RBM34: variants seen among roughly 807,000 people sequenced by gnomAD.
The protein encoded by RBM34 is RNA-binding protein 34.
RBM34 carries 39 observed loss-of-function variants against 44.6 expected under a neutral mutation model. The observed-to-expected ratio is 0.87, with a 90% CI of 0.68 to 1.14. The LOEUF (loss-of-function observed/expected upper bound fraction) is 1.14, where lower values mean the gene tolerates loss of function less well. Among genes scored for constraint, RBM34 ranks in the 50% most tolerant of loss-of-function variants. The pLI, the probability that RBM34 is intolerant of heterozygous loss-of-function variation, is 0.00. For missense variants in RBM34, 572 were observed against 517.9 expected (o/e 1.10, Z -1.01); for synonymous variants, 194 against 184.0 (o/e 1.05, Z -0.44).
chr1:235,160,343 A>G (rs1246976424), intron 3 of RBM34, 168 bp downstream of exon 3: 4 of 840,790 alleles, frequency 4.8e-6, no homozygotes, highest in Non-Finnish European at 7.9e-6. Context: ...GATGCTGAGT[A>G]CACGGGGTTT....
rs1661223015 is a variant in RBM34 at position 235,131,973 on chromosome 1, G to A, written c.1033C>T (p.Leu345=). The change falls in exon 11 of 11, where the codon CTG becomes TTG. Residue 345 remains leucine, a synonymous_variant. Coordinates refer to ENST00000408888, the MANE Select transcript of RBM34 (RefSeq NM_015014.4). ...ATGAGTTCAGAATTATTTAATTTCA[G>A]AGCAAGATGAACAGAATCTGTATTC... ...FENTDSVHLA[L]KLNNSELMGR... 2.5e-6 allele frequency: 4 copies of A among 1,601,590 alleles called. No individual in the cohort carries two copies. The highest frequency in any genetic ancestry group is 2.7e-5 in the African/African-American group (2 of 74,142).
intron 6 of RBM34, among the ~76,000 whole-genome samples, chr1:235,141,167 G>A (rs1558140156): frequency 6.6e-6 from 1 of 151,916 alleles, no homozygotes. Flanking sequence ...CAAGGTTTGT[G>A]AGTGCACCAA....
At position 235,131,634 on chromosome 1, in the gene RBM34, T is replaced by C. The variant is rs1456294627; in HGVS notation, c.*79A>G. On this transcript the variant is annotated 3_prime_UTR_variant, in exon 11 of 11. Coordinates refer to ENST00000408888, the MANE Select transcript of RBM34 (RefSeq NM_015014.4). The stretch of plus-strand genomic sequence containing the variant: ...AGAAGTATAAAACTCAACACATGAA[T>C]AGCAGACGATGCTATCAGCAGATAA... 4 of 1,447,126 alleles carry C rather than the reference T, an allele frequency of 2.8e-6. No homozygotes were observed. The highest frequency in any genetic ancestry group is 2.9e-5 in the African/African-American group (2 of 70,092). The allele number at this position is 1,447,126 out of a possible 1,614,324, so 89.6% of individuals were successfully genotyped here.
In RBM34 at chr1:235,160,920, A is replaced by C; in HGVS notation, c.201T>G (p.Ile67Met). The C allele has an allele frequency of 1.9e-6, 3 of 1,614,154 alleles. No individual in the cohort carries two copies. The highest frequency in any genetic ancestry group is 2.5e-6 in the Non-Finnish European group (3 of 1,180,022). The change falls in exon 2 of 11, where the codon ATT becomes ATG. Residue 67 changes from isoleucine (I) to methionine (M), a missense_variant. Physicochemically the swap from Ile to Met is conservative, Grantham distance 10 (BLOSUM62 1). Coordinates refer to ENST00000408888, the MANE Select transcript of RBM34 (RefSeq NM_015014.4). Reference protein sequence around the residue: ...ASLFSSLEPQIQPVYVPVPKQ... With the variant: ...ASLFSSLEPQMQPVYVPVPKQ... ...TAGGCACAGGCACGTACACGGGTTG[A>C]ATCTGGGGCTCCAGAGAACTGAAGA... is the stretch of plus-strand genomic sequence containing the variant.
At chr1:235,137,822 GA>G in intron 8 of RBM34, 54 bp downstream of exon 8, 1 of 1,371,606 alleles carries the variant, frequency 7.3e-7, no homozygotes, top group South Asian at 1.3e-5. Flanking sequence ...AGCCTGGAAG[GA>G]AACATTTCTC....
chr1:235,145,979 T>G (rs1661887474), intron 6 of RBM34, among the ~76,000 whole-genome samples: 1 of 148,204 alleles, frequency 6.7e-6, no homozygotes, highest in Admixed American at 6.8e-5. Flanking sequence ...TTTTTTTTTT[T>G]TTTTTTTTTT....
At chr1:235,144,726 A>G (rs1330329301) in intron 6 of RBM34, among the ~76,000 whole-genome samples, 1 of 152,076 alleles carries the variant, frequency 6.6e-6, no homozygotes, top group East Asian at 1.9e-4. Context: ...CTGCTGGAGA[A>G]CAAAGCAACA....
At chr1:235,135,833 G>A in intron 9 of RBM34, 63 bp from the exon 10 acceptor site, 1 of 1,422,158 alleles carries the variant, frequency 7.0e-7, no homozygotes, top group Non-Finnish European at 9.9e-7. Flanking sequence ...ACATGGAGTT[G>A]TTTAATAATA....
At chr1:235,138,522 TGA>T (rs1661533298) in intron 6 of RBM34, among the ~76,000 whole-genome samples, 1 of 152,156 alleles carries the variant, frequency 6.6e-6, no homozygotes, top group Non-Finnish European at 1.5e-5. Flanking sequence ...GTGAAAGACG[TGA>T]GTTTTCCTCT....
At chr1:235,138,040 A>G (rs1661501109) in intron 7 of RBM34, 51 bp downstream of exon 7, 10 of 1,556,516 alleles carry the variant, frequency 6.4e-6, no homozygotes, top group Non-Finnish European at 7.9e-6. Flanking sequence ...AAAAGTACTC[A>G]TACATACTTA....
At chr1:235,136,109 T>C in intron 8 of RBM34, 36 bp from the exon 9 acceptor site, 2 of 1,553,526 alleles carry the variant, frequency 1.3e-6, no homozygotes, top group South Asian at 1.2e-5. Context: ...AATCACTCAC[T>C]AGACCAGAAA....
At chr1:235,160,423 A>G in intron 3 of RBM34, 88 bp downstream of exon 3, 67 of 1,477,814 alleles carry the variant, frequency 4.5e-5, no homozygotes, top group Non-Finnish European at 6.2e-5. Context: ...AAGTAGAAAT[A>G]TGAAATAAAA....
intron 6 of RBM34, 51 bp downstream of exon 6, chr1:235,148,353 C>T (rs1011967642): frequency 1.4e-6 from 2 of 1,414,680 alleles, no homozygotes; most frequent in Middle Eastern, 1.8e-4. Context: ...ACTTTTTAGC[C>T]AAAAAGGAAG....
rs1440942695 is a variant in RBM34 at position 235,137,902 on chromosome 1, A to G, written c.824T>C (p.Val275Ala). Residue 275 changes from valine (V) to alanine (A), a missense_variant, in exon 8 of 11, where the codon GTT (valine) becomes GCT (alanine). Physicochemically the swap from Val to Ala is moderately conservative, Grantham distance 64. Transcript: ENST00000408888. ...AGATGAGGTCTCAGATGCGAGATCA[A>G]CTCTAATACGAAATCCATCTGCAAT... is the stretch of plus-strand genomic sequence containing the variant. ...AQIADGFRIR[V>A]DLASETSSRD... The G allele has an allele frequency of 6.2e-7, 1 of 1,603,428 alleles. No individual in the cohort carries two copies. The highest frequency in any genetic ancestry group is 2.2e-5 in the East Asian group (1 of 44,690).
Position 235,151,889 on chromosome 1 carries a change from C to T in RBM34, c.657+817G>A, listed in dbSNP as rs571338747. On this transcript the variant is annotated intron_variant, in intron 5 of 10. Coordinates refer to ENST00000408888, the MANE Select transcript of RBM34 (RefSeq NM_015014.4). ...CCGGACTAAAAATACAAAAATTAGC[C>T]GGGCATGGTAGCGCACACCTGTAAT... 7.1e-4 allele frequency among the ~76,000 whole-genome samples: 108 copies of T among 151,864 alleles called. No individual in the cohort carries two copies. The South Asian group carries it at 7.5e-3, about 11-fold the overall frequency.
rs1553276174 is a variant in RBM34 at position 235,161,080 on chromosome 1, G to T, written c.54-13C>A. On this transcript the variant is annotated splice_polypyrimidine_tract_variant and intron_variant, in intron 1 of 10. Transcript: ENST00000408888. ...GTCAGGATTCTCTCTAGAAATGGAC[G>T]ACAGAAACTCAGCCACGCCACGCAC... is the stretch of plus-strand genomic sequence containing the variant. The T allele has an allele frequency of 2.0e-5, 32 of 1,609,656 alleles. No homozygotes were observed. Among genetic ancestry groups the T allele is most frequent in the Non-Finnish European group, 2.7e-5 (32 of 1,176,366 alleles).
At chr1:235,137,763 T>C (rs747440977) in intron 8 of RBM34, 114 bp downstream of exon 8, 14 of 773,734 alleles carry the variant, frequency 1.8e-5, no homozygotes, top group Non-Finnish European at 2.5e-5. Flanking sequence ...ATAGGCTGTT[T>C]CCTTCTGCGC....
At chr1:235,159,685 C>T (rs1322735589) in intron 3 of RBM34, among the ~76,000 whole-genome samples, 1 of 151,422 alleles carries the variant, frequency 6.6e-6, no homozygotes, top group Non-Finnish European at 1.5e-5. Flanking sequence ...ACCTGGCCAA[C>T]ATGATGAAAC....
chr1:235,140,713 G>C (rs7541493), intron 6 of RBM34, among the ~76,000 whole-genome samples: 25 of 152,372 alleles, frequency 1.6e-4, no homozygotes, highest in African/African-American at 6.0e-4. Flanking sequence ...AGCTCCACCT[G>C]CAGCCCCGGT....
Sources: gnomAD v4.1 joint callset for allele counts (sites outside exome capture counted in the v4.1 genomes callset) on GRCh38, gnomAD v4.1.1 for gene constraint, MANE v1.5 for transcripts, NCBI Gene and HGNC (gene_info 2026-07-23, HGNC 2026-07-21) for gene names.